The following ZFR2 variants were observed in gnomAD, a reference collection of about 807,000 sequenced individuals.
The protein encoded by ZFR2 is zinc finger RNA binding protein 2.
Under a neutral mutation model 105.7 loss-of-function variants are expected in ZFR2, and 104 were observed. The observed-to-expected ratio is 0.98, with a 90% CI of 0.84 to 1.16. ZFR2 has a LOEUF of 1.16. Among genes scored for constraint, ZFR2 ranks in the 50% most tolerant of loss-of-function variants. The pLI is 0.00. For synonymous variants in ZFR2, 634 were observed against 597.7 expected (o/e 1.06, Z -0.89); for missense variants, 1,425 against 1,355.5 (o/e 1.05, Z -0.80).
At chr19:3,855,556 G>C in intron 1 of ZFR2, 2 of 796,552 alleles carry the variant, frequency 2.5e-6, no homozygotes, top group Non-Finnish European at 3.4e-6. Context: ...CCTCCAGGAG[G>C]GTGCTGCGCG....
chr19:3,830,137 A>C (rs895167138), intron 5 of ZFR2, among the ~76,000 whole-genome samples: 2 of 122,612 alleles, frequency 1.6e-5, no homozygotes, highest in African/African-American at 5.9e-5. Flanking sequence ...CTGTATCTAC[A>C]AAAAAATTTT....
At chr19:3,842,321 C>A (rs895760883) in intron 1 of ZFR2, among the ~76,000 whole-genome samples, 4 of 151,994 alleles carry the variant, frequency 2.6e-5, no homozygotes, top group Non-Finnish European at 5.9e-5. Flanking sequence ...GCCAGAGTAA[C>A]TCTACCATAG....
At chr19:3,822,245 T>C in intron 8 of ZFR2, 45 bp from the exon 9 acceptor site, 1 of 1,545,796 alleles carries the variant, frequency 6.5e-7, no homozygotes, top group Non-Finnish European at 8.8e-7. Flanking sequence ...CGAGGCGGGG[T>C]GGGATGTGAG....
intron 13 of ZFR2, among the ~76,000 whole-genome samples, chr19:3,815,414 T>C (rs1387216122): frequency 6.6e-6 from 1 of 152,152 alleles, no homozygotes; most frequent in Non-Finnish European, 1.5e-5. Flanking sequence ...AAACCTAAGA[T>C]GATCAATGTA....
intron 1 of ZFR2, among the ~76,000 whole-genome samples, chr19:3,841,710 C>A (rs562651341): frequency 1.3e-5 from 2 of 151,808 alleles, no homozygotes; most frequent in Admixed American, 1.3e-4. Flanking sequence ...GGACTTGAGG[C>A]GGGAGGATCG....
At chr19:3,843,432 C>G (rs933281464) in intron 1 of ZFR2, among the ~76,000 whole-genome samples, 2 of 152,124 alleles carry the variant, frequency 1.3e-5, no homozygotes, top group African/African-American at 4.8e-5. Flanking sequence ...GATCGCGCCA[C>G]TGCACTCCAG....
intron 1 of ZFR2, among the ~76,000 whole-genome samples, chr19:3,859,763 G>T (rs1166058051): frequency 1.3e-5 from 2 of 152,182 alleles, no homozygotes; most frequent in African/African-American, 4.8e-5. Context: ...TTCAATCGCT[G>T]TGTGTACACA....
intron 16 of ZFR2, 49 bp from the exon 17 acceptor site, chr19:3,809,032 CCTG>C (rs773138394): frequency 6.9e-7 from 1 of 1,441,262 alleles, no homozygotes; most frequent in South Asian, 1.3e-5. Context: ...CGCGGCAGCC[CCTG>C]CCTGCCCGGG....
intron 1 of ZFR2, chr19:3,855,556 G>T (rs1171539180): frequency 1.0e-5 from 8 of 796,434 alleles, no homozygotes; most frequent in African/African-American, 1.8e-5. Context: ...CCTCCAGGAG[G>T]GTGCTGCGCG....
rs374916881 is a variant in ZFR2 at position 3,819,185 on chromosome 19, G to A, written c.1791C>T (p.His597=). ...CCTGCTCCGTGGGGTAGATGGTGGC[G>A]TGCTTGCACATGACGTGCCGGTCGT... ...SSDDRHVMCK[H]ATIYPTEQEL... The change falls in exon 12 of 19, where the codon CAC becomes CAT. Residue 597 remains histidine, a synonymous_variant. Coordinates refer to ENST00000262961, the MANE Select transcript of ZFR2 (RefSeq NM_015174.2). 47 of 1,591,156 alleles carry A rather than the reference G, an allele frequency of 3.0e-5. No homozygotes were observed. Among genetic ancestry groups the A allele is most frequent in the African/African-American group, 4.0e-5 (3 of 74,080 alleles).
At chr19:3,830,668 C>T (rs914750212) in intron 5 of ZFR2, among the ~76,000 whole-genome samples, 2 of 152,154 alleles carry the variant, frequency 1.3e-5, no homozygotes, top group African/African-American at 4.8e-5. Flanking sequence ...ATTGCAGACT[C>T]CGTGTCTCTC....
intron 5 of ZFR2, among the ~76,000 whole-genome samples, chr19:3,829,822 G>A (rs149097755): frequency 1.6e-4 from 24 of 152,336 alleles, no homozygotes; most frequent in African/African-American, 5.1e-4. Flanking sequence ...CCAGTAGGCT[G>A]TCTTTGTGCA....
intron 16 of ZFR2, among the ~76,000 whole-genome samples, chr19:3,809,450 G>T (rs1166175699): frequency 2.0e-5 from 3 of 152,164 alleles, no homozygotes; most frequent in Non-Finnish European, 4.4e-5. Context: ...CCCCCCTGTG[G>T]CCAGTTCCCG....
chr19:3,808,854 T>C lies in ZFR2; in HGVS notation c.2545+18A>G. 6.5e-7 allele frequency: 1 copy of C among 1,533,342 alleles called. No homozygotes were observed. The highest frequency in any genetic ancestry group is 8.8e-7 in the Non-Finnish European group (1 of 1,141,372). 95.0% of individuals were successfully genotyped at this position (1,533,342 alleles called of 1,614,324 possible). Reference sequence around the variant, plus strand: ...GATTTGCCGCCCACCTCCTGGGCCCTCCGGCCCAGCGACTGACCTGTCAGG... The same window carrying C: ...GATTTGCCGCCCACCTCCTGGGCCCCCCGGCCCAGCGACTGACCTGTCAGG... On this transcript the variant is annotated intron_variant, in intron 17 of 18. Transcript: ENST00000262961.
intron 17 of ZFR2, 112 bp from the exon 18 acceptor site, chr19:3,807,381 T>C (rs2037708961): frequency 2.7e-6 from 2 of 734,630 alleles, no homozygotes; most frequent in Non-Finnish European, 4.5e-6. Flanking sequence ...CATGGGGCTA[T>C]ACTTGCAGCC....
At chr19:3,857,704 A>AG (rs2038323683) in intron 1 of ZFR2, among the ~76,000 whole-genome samples, 1 of 151,828 alleles carries the variant, frequency 6.6e-6, no homozygotes, top group African/African-American at 2.4e-5. Context: ...TCAAAAAAAA[A>AG]AAAAAAAAAA....
chr19:3,854,696 C>G (rs915814576), intron 1 of ZFR2, among the ~76,000 whole-genome samples: 1 of 152,150 alleles, frequency 6.6e-6, no homozygotes, highest in Non-Finnish European at 1.5e-5. Flanking sequence ...CAGGAAGTAG[C>G]CCTTTTACAT....
chr19:3,823,549 C>T lies in ZFR2; in HGVS notation c.1214-146G>A. On this transcript the variant is annotated intron_variant, in intron 7 of 18. Transcript: ENST00000262961. This position sits in a 1 kb window ranked among gnomAD's most constrained non-coding sequence, Gnocchi z 5.4. ...TCCTGTGATGTCAGGGGGAATGGCC[C>T]CGGACAGCAACCTCGCTCTCCCTTT... 1 of 820,978 alleles carries T rather than the reference C, an allele frequency of 1.2e-6. No individual in the cohort carries two copies. Among genetic ancestry groups the T allele is most frequent in the Non-Finnish European group, 1.8e-6 (1 of 541,640 alleles). 50.9% of individuals were successfully genotyped at this position (820,978 alleles called of 1,614,324 possible). A position where few individuals can be genotyped will look rare whatever the true frequency, so the allele number is the denominator to read the frequency against.
intron 15 of ZFR2, 22 bp downstream of exon 15, chr19:3,811,250 G>A: frequency 6.5e-7 from 1 of 1,546,536 alleles, no homozygotes; most frequent in Non-Finnish European, 8.7e-7. Flanking sequence ...CTCTCCCCCT[G>A]CTCCACCCCT....
Sources: allele counts gnomAD v4.1 joint callset (sites outside exome capture counted in the v4.1 genomes callset), GRCh38; gene constraint gnomAD v4.1.1; non-coding constraint Gnocchi (gnomAD v3.1); transcripts MANE v1.5; gene names NCBI Gene and HGNC (gene_info 2026-07-23, HGNC 2026-07-21).